Variants in AGBL4 observed in about 807,000 individuals in gnomAD.
The protein encoded by AGBL4 is AGBL carboxypeptidase 4.
AGBL4 carries 58 observed loss-of-function variants against 66.4 expected under a neutral mutation model. That is an observed-to-expected ratio of 0.87 (90% CI 0.71 to 1.09). The LOEUF is 1.09. Among genes scored for constraint, AGBL4 ranks in the 50% least tolerant of loss-of-function variants. The pLI is 0.00. For missense variants in AGBL4, 579 were observed against 631.0 expected (o/e 0.92, Z 0.88); for synonymous variants, 234 against 222.9 (o/e 1.05, Z -0.44).
At chr1:49,978,737 C>T (rs2148379475) in intron 1 of AGBL4, among the ~76,000 whole-genome samples, 1 of 152,136 alleles carries the variant, frequency 6.6e-6, no homozygotes, top group Admixed American at 6.5e-5. Context: ...CACACAGACA[C>T]CTATATGCAT....
At chr1:48,825,187 C>T (rs768403769) in intron 6 of AGBL4, among the ~76,000 whole-genome samples, 25 of 152,144 alleles carry the variant, frequency 1.6e-4, no homozygotes, top group Admixed American at 1.2e-3. Flanking sequence ...CAATTCTCTT[C>T]GCTTCCTATT....
rs959154754 is a variant in AGBL4 at position 49,927,025 on chromosome 1, G to A, written c.35-75507C>T. ...TCAAGTGCAGGAAGCATCCAGCATG[G>A]GAGAAAGGTGTAGGCTTGAAGGCTA... On this transcript the variant is annotated intron_variant, in intron 1 of 13. Transcript: ENST00000371839. Among the ~76,000 whole-genome samples the A allele has an allele frequency of 9.8e-5, 15 of 152,286 alleles. No homozygotes were observed. In the East Asian group the frequency reaches 2.9e-3, roughly 29 times the overall value.
intron 3 of AGBL4, among the ~76,000 whole-genome samples, chr1:49,459,131 A>T (rs1646455235): frequency 6.6e-6 from 1 of 151,414 alleles, no homozygotes; most frequent in Non-Finnish European, 1.5e-5. Context: ...ATGATTTAAG[A>T]AGCATTTTCT....
intron 5 of AGBL4, among the ~76,000 whole-genome samples, chr1:49,035,464 T>C (rs1472066191): frequency 6.6e-6 from 1 of 152,174 alleles, no homozygotes; most frequent in African/African-American, 2.4e-5. Context: ...TTTGGCTTTC[T>C]GACTCAGGGT....
rs530923944 is a variant in AGBL4 at position 49,256,177 on chromosome 1, A to G, written c.283-10313T>C. Reference sequence around the variant, plus strand: ...TAAAAGTTAAAAAACACAAAAAATTATAACAAATTTTTTAAAAAAGATAAA... The same window carrying G: ...TAAAAGTTAAAAAACACAAAAAATTGTAACAAATTTTTTAAAAAAGATAAA... On this transcript the variant is annotated intron_variant, in intron 3 of 13. Coordinates refer to ENST00000371839, the MANE Select transcript of AGBL4 (RefSeq NM_032785.4). Among the ~76,000 whole-genome samples the G allele has an allele frequency of 1.9e-3, 282 of 149,800 alleles. 2 individuals are homozygous for G. The highest frequency in any genetic ancestry group is 6.4e-3 in the African/African-American group (267 of 41,522).
chr1:49,564,727 C>G (rs1357063435), intron 3 of AGBL4, among the ~76,000 whole-genome samples: 2 of 152,112 alleles, frequency 1.3e-5, no homozygotes, highest in Non-Finnish European at 2.9e-5. Flanking sequence ...TTACTTCCAA[C>G]TATGTGGTCA....
chr1:49,542,867 C>T (rs1399103426), intron 3 of AGBL4, among the ~76,000 whole-genome samples: 3 of 137,772 alleles, frequency 2.2e-5, no homozygotes, highest in African/African-American at 8.4e-5. Flanking sequence ...CCACTTCACT[C>T]CAGCCTGGGT....
At chr1:49,814,305 T>C (rs1164639534) in intron 2 of AGBL4, among the ~76,000 whole-genome samples, 1 of 152,136 alleles carries the variant, frequency 6.6e-6, no homozygotes. Flanking sequence ...TCAAACACTC[T>C]GAAGTGAGAA....
intron 3 of AGBL4, among the ~76,000 whole-genome samples, chr1:49,408,165 T>G (rs1301307058): frequency 1.3e-5 from 2 of 152,330 alleles, no homozygotes; most frequent in South Asian, 2.1e-4. Flanking sequence ...CTGTAACTCC[T>G]GTCCTAGACC....
In AGBL4 at chr1:48,701,463, T is replaced by TCTTTTTC. The variant is rs11450789; in HGVS notation, c.635-38223_635-38222insGAAAAAG. On this transcript the variant is annotated intron_variant, in intron 6 of 13. Coordinates refer to ENST00000371839, the MANE Select transcript of AGBL4 (RefSeq NM_032785.4). The stretch of plus-strand genomic sequence containing the variant: ...TTTTTTTTCTTTTTCTTTTCCTTTT[T>TCTTTTTC]TTTTCTTTTCTTTTTTAGAGATAGA... 3.0e-3 allele frequency among the ~76,000 whole-genome samples: 450 copies of TCTTTTTC among 151,166 alleles called. 2 individuals are homozygous for TCTTTTTC. The highest frequency in any genetic ancestry group is 8.3e-3 in the African/African-American group (339 of 40,790).
At chr1:48,589,658 C>T (rs1644882185) in intron 10 of AGBL4, among the ~76,000 whole-genome samples, 1 of 152,198 alleles carries the variant, frequency 6.6e-6, no homozygotes, top group Non-Finnish European at 1.5e-5. Flanking sequence ...CAGCAACCGT[C>T]TCTGGAGTTT....
At chr1:48,632,981 T>C (rs554246906) in intron 9 of AGBL4, among the ~76,000 whole-genome samples, 1 of 152,316 alleles carries the variant, frequency 6.6e-6, no homozygotes, top group South Asian at 2.1e-4. Context: ...GTTTCAAATC[T>C]TAGAGAAAGG....
At chr1:49,678,469 C>T (rs532923757) in intron 3 of AGBL4, among the ~76,000 whole-genome samples, 5 of 152,040 alleles carry the variant, frequency 3.3e-5, no homozygotes, top group South Asian at 2.1e-4. Context: ...GTGATTACTC[C>T]GATTATTATT....
chr1:48,734,138 C>T (rs550342446), intron 6 of AGBL4, among the ~76,000 whole-genome samples: 64 of 152,250 alleles, frequency 4.2e-4, no homozygotes, highest in African/African-American at 1.4e-3. Context: ...AGCAGCAAGA[C>T]GAAAGGTTAC....
chr1:49,509,374 C>T (rs775153845), intron 3 of AGBL4, among the ~76,000 whole-genome samples: 1 of 151,728 alleles, frequency 6.6e-6, no homozygotes, highest in African/African-American at 2.4e-5. Context: ...ATTTTATTTA[C>T]CTGTGGAGGT....
rs549639116 is a variant in AGBL4, at chr1:48,662,962, A to G, written c.724+190T>C. On this transcript the variant is annotated intron_variant, in intron 7 of 13. Coordinates refer to ENST00000371839, the MANE Select transcript of AGBL4 (RefSeq NM_032785.4). The stretch of plus-strand genomic sequence containing the variant: ...CATCTATCCATTGATTAATTAATTC[A>G]TACATACGTCTAGTCAATAAACATT... Among the ~76,000 whole-genome samples, 6 of 152,342 alleles carry G rather than the reference A, an allele frequency of 3.9e-5. No homozygotes were observed. In the South Asian group the frequency reaches 1.0e-3, roughly 26 times the overall value.
intron 4 of AGBL4, among the ~76,000 whole-genome samples, chr1:49,148,502 C>T (rs929465818): frequency 1.3e-5 from 2 of 152,184 alleles, no homozygotes; most frequent in Admixed American, 6.5e-5. Flanking sequence ...GAGCCAGGCG[C>T]AGTAGTGCCT....
intron 3 of AGBL4, among the ~76,000 whole-genome samples, chr1:49,375,734 G>A (rs1644459323): frequency 6.6e-6 from 1 of 152,024 alleles, no homozygotes; most frequent in South Asian, 2.1e-4. Flanking sequence ...GTGATTATCA[G>A]AAGAAAGGTA....
chr1:48,665,357 T>G (rs1308709673), intron 6 of AGBL4, among the ~76,000 whole-genome samples: 1 of 152,208 alleles, frequency 6.6e-6, no homozygotes, highest in East Asian at 1.9e-4. Context: ...ATGGCTAATG[T>G]CTTTCCCAGG....
Sources: allele counts gnomAD v4.1 joint callset (sites outside exome capture counted in the v4.1 genomes callset), GRCh38; gene constraint gnomAD v4.1.1; transcripts MANE v1.5; gene names NCBI Gene and HGNC (gene_info 2026-07-23, HGNC 2026-07-21).